The following SCAMP1 variants were observed in gnomAD, a reference collection of about 807,000 sequenced individuals.
The protein encoded by SCAMP1 is secretory carrier-associated membrane protein 1.
A neutral mutation model predicts 41.8 loss-of-function variants in SCAMP1; 15 were observed. The ratio of observed to expected loss-of-function variants is 0.36; its 90% CI spans 0.24 to 0.55. The LOEUF (loss-of-function observed/expected upper bound fraction) is 0.55. Among genes scored for constraint, SCAMP1 ranks in the 20% least tolerant of loss-of-function variants. SCAMP1 has a pLI of 0.86. For synonymous variants in SCAMP1, 135 were observed against 136.8 expected (o/e 0.99, Z 0.09); for missense variants, 341 against 412.6 (o/e 0.83, Z 1.50).
At chr5:78,441,759 C>T (rs1019918009) in intron 6 of SCAMP1, among the ~76,000 whole-genome samples, 6 of 152,026 alleles carry the variant, frequency 3.9e-5, no homozygotes, top group South Asian at 4.1e-4. Flanking sequence ...ACCTGGGAGG[C>T]GGAGTGAGCC....
intron 6 of SCAMP1, among the ~76,000 whole-genome samples, chr5:78,426,834 G>C (rs1004177252): frequency 6.6e-6 from 1 of 152,088 alleles, no homozygotes; most frequent in Non-Finnish European, 1.5e-5. Flanking sequence ...GTCTTTTGCT[G>C]TTTTCTTTTA....
intron 6 of SCAMP1, among the ~76,000 whole-genome samples, chr5:78,423,964 C>T (rs951871933): frequency 4.6e-5 from 7 of 151,934 alleles, no homozygotes; most frequent in African/African-American, 1.5e-4. Flanking sequence ...CCTGCCTCAG[C>T]CTCTCAGGTA....
chr5:78,461,811 G>A (rs956379052), intron 8 of SCAMP1, among the ~76,000 whole-genome samples: 2 of 152,094 alleles, frequency 1.3e-5, no homozygotes, highest in African/African-American at 4.8e-5. Flanking sequence ...TGATCCGCCC[G>A]CCTCAGCCTC....
rs545722444 is a variant in SCAMP1, at chr5:78,464,896, C to T, written c.852+5534C>T. Reference sequence around the variant, plus strand: ...AAGGGCTAATGGTGACGTCTCACAGCTCCATGATTCACACTTTCTATTCTT... The same window carrying T: ...AAGGGCTAATGGTGACGTCTCACAGTTCCATGATTCACACTTTCTATTCTT... On this transcript the variant is annotated intron_variant, in intron 8 of 8. Transcript: ENST00000621999. Among the ~76,000 whole-genome samples, 19 of 152,344 alleles carry T rather than the reference C, an allele frequency of 1.2e-4. No homozygotes were observed. The East Asian group carries it at 3.3e-3, about 26-fold the overall frequency.
chr5:78,458,174 C>T (rs7715486), intron 7 of SCAMP1, among the ~76,000 whole-genome samples: 36,304 of 151,948 alleles, frequency 0.24, 4,808 homozygotes, highest in East Asian at 0.54. Flanking sequence ...AGCTGTAGAC[C>T]GGAGCTGTTC....
intron 6 of SCAMP1, among the ~76,000 whole-genome samples, chr5:78,447,063 AT>A (rs1753068480): frequency 6.6e-6 from 1 of 152,302 alleles, no homozygotes; most frequent in African/African-American, 2.4e-5. Flanking sequence ...CACAAACCCT[AT>A]TGTGAACTGC....
Position 78,367,881 on chromosome 5 carries a change from A to G in SCAMP1, c.57+7153A>G, listed in dbSNP as rs142113313. 4.6e-5 allele frequency among the ~76,000 whole-genome samples: 7 copies of G among 152,284 alleles called. No homozygotes were observed. In the East Asian group the frequency reaches 1.4e-3, roughly 29 times the overall value. On this transcript the variant is annotated intron_variant, in intron 1 of 8. Coordinates refer to ENST00000621999, the MANE Select transcript of SCAMP1 (RefSeq NM_004866.6). ...AATGAATGTTTCTTGATTAGGGCCC[A>G]GTTCTGCTACCTCGTATTGGTTCCT... is the stretch of plus-strand genomic sequence containing the variant.
At chr5:78,457,180 C>A (rs1393006230) in intron 7 of SCAMP1, among the ~76,000 whole-genome samples, 1 of 152,032 alleles carries the variant, frequency 6.6e-6, no homozygotes, top group African/African-American at 2.4e-5. Flanking sequence ...CTTCTTCTCT[C>A]AACTCGTCAA....
rs889937584 is a variant in SCAMP1 at position 78,383,250 on chromosome 5, G to A, written c.58-5587G>A. On this transcript the variant is annotated intron_variant, in intron 1 of 8. Transcript: ENST00000621999. ...ATTTGTACATCTTCTTTTAATAATT[G>A]TCTATTCATGTCCTTAGCCCACTTT... Among the ~76,000 whole-genome samples, 23 of 151,930 alleles carry A rather than the reference G, an allele frequency of 1.5e-4. 1 individual carries two copies. The highest frequency in any genetic ancestry group is 4.1e-4 in the African/African-American group (17 of 41,436).
chr5:78,406,737 T>C (rs1326014137), intron 2 of SCAMP1, among the ~76,000 whole-genome samples: 1 of 152,238 alleles, frequency 6.6e-6, no homozygotes, highest in South Asian at 2.1e-4. Context: ...TGTTAAAATA[T>C]AAAATAATTA....
chr5:78,467,844 T>G (rs965017581), intron 8 of SCAMP1, among the ~76,000 whole-genome samples: 3 of 152,174 alleles, frequency 2.0e-5, no homozygotes, highest in South Asian at 4.2e-4. Flanking sequence ...AAAAACCTAA[T>G]TTTTCCTTTT....
intron 6 of SCAMP1, among the ~76,000 whole-genome samples, chr5:78,443,817 C>T (rs901871492): frequency 1.3e-5 from 2 of 151,796 alleles, no homozygotes; most frequent in African/African-American, 4.8e-5. Flanking sequence ...TGCCACTACA[C>T]CTAATTTTTC....
intron 2 of SCAMP1, among the ~76,000 whole-genome samples, chr5:78,397,026 A>G (rs377450814): frequency 2.0e-5 from 3 of 152,276 alleles, no homozygotes; most frequent in East Asian, 3.9e-4. Context: ...GAGAGCAGAG[A>G]GTTTTTTTTA....
intron 1 of SCAMP1, among the ~76,000 whole-genome samples, chr5:78,378,069 TCA>T (rs1328382915): frequency 2.0e-5 from 3 of 152,302 alleles, no homozygotes; most frequent in African/African-American, 7.2e-5. Context: ...TTGCCTGATG[TCA>T]CAGTATTGGT....
rs1247327168 is a variant in SCAMP1, at chr5:78,478,620, G to T, written c.*2952G>T. The T allele has an allele frequency of 6.6e-6, 1 of 151,996 alleles. No homozygotes were observed. The highest frequency in any genetic ancestry group is 2.4e-5 in the African/African-American group (1 of 41,384). The allele number at this position is 151,996 out of a possible 1,614,324, so 9.4% of individuals were successfully genotyped here. ...GATTTTTCATTGTGGGTTAAAAATG[G>T]GTGTCTCTGTACTAGTATTGTATTT... On this transcript the variant is annotated 3_prime_UTR_variant, in exon 9 of 9. Transcript: ENST00000621999.
intron 1 of SCAMP1, among the ~76,000 whole-genome samples, chr5:78,366,405 G>C (rs924647010): frequency 6.6e-6 from 1 of 152,100 alleles, no homozygotes; most frequent in East Asian, 1.9e-4. Context: ...CAGCCTTCCA[G>C]AGTGCTGGGA....
chr5:78,380,454 A>G (rs1751176321), intron 1 of SCAMP1, among the ~76,000 whole-genome samples: 1 of 152,220 alleles, frequency 6.6e-6, no homozygotes, highest in Non-Finnish European at 1.5e-5. Flanking sequence ...TTGTCAGTAG[A>G]GTATGTCAGA....
At chr5:78,366,861 C>T (rs1256207917) in intron 1 of SCAMP1, among the ~76,000 whole-genome samples, 1 of 147,908 alleles carries the variant, frequency 6.8e-6, no homozygotes, top group Admixed American at 7.0e-5. Context: ...TGGTGCACAC[C>T]TGTAATCTAA....
intron 2 of SCAMP1, among the ~76,000 whole-genome samples, chr5:78,398,541 A>AAT (rs1751715013): frequency 2.3e-5 from 1 of 44,226 alleles, no homozygotes; most frequent in African/African-American, 7.9e-5. Context: ...AAGGTTCACT[A>AAT]TTTTTTTTTT....
Sources: allele counts gnomAD v4.1 joint callset (sites outside exome capture counted in the v4.1 genomes callset), GRCh38; gene constraint gnomAD v4.1.1; transcripts MANE v1.5; gene names NCBI Gene and HGNC (gene_info 2026-07-23, HGNC 2026-07-21).